Variants in CACNA1E observed in about 807,000 individuals in gnomAD.
CACNA1E encodes the protein voltage-dependent R-type calcium channel subunit alpha-1E.
A neutral mutation model predicts 259.2 loss-of-function variants in CACNA1E; 40 were observed. The ratio of observed to expected loss-of-function variants is 0.15; its 90% confidence interval spans 0.12 to 0.20. CACNA1E has a LOEUF of 0.20. Ranked by LOEUF, CACNA1E falls within the 10% of genes least tolerant of loss-of-function variation. The pLI is 1.00. For synonymous variants in CACNA1E, 1,104 were observed against 1,138.5 expected (o/e 0.97, Z 0.61); for missense variants, 1,874 against 3,040.1 (o/e 0.62, Z 9.02).
intron 2 of CACNA1E, among the ~76,000 whole-genome samples, chr1:181,419,413 C>T (rs1658546085): frequency 6.6e-6 from 1 of 152,204 alleles, no homozygotes; most frequent in South Asian, 2.1e-4. Flanking sequence ...GATGGCTCCT[C>T]TCTCATTTCA....
intron 3 of CACNA1E, among the ~76,000 whole-genome samples, chr1:181,553,732 AG>A (rs1312833156): frequency 6.6e-6 from 1 of 152,210 alleles, no homozygotes; most frequent in African/African-American, 2.4e-5. Flanking sequence ...AATTTATCAA[AG>A]GCCTTTTCTG....
At chr1:181,686,425 T>C (rs1650582176) in intron 7 of CACNA1E, among the ~76,000 whole-genome samples, 1 of 151,800 alleles carries the variant, frequency 6.6e-6, no homozygotes, top group African/African-American at 2.4e-5. Context: ...TAGCTGGGAT[T>C]ACAGGCATGC....
chr1:181,692,920 G>T (rs950725028), intron 7 of CACNA1E, among the ~76,000 whole-genome samples: 2 of 151,826 alleles, frequency 1.3e-5, no homozygotes, highest in African/African-American at 4.8e-5. Context: ...CTAATATCCA[G>T]AATCTCTAGG....
chr1:181,585,320 C>T (rs1037164755), intron 6 of CACNA1E, among the ~76,000 whole-genome samples: 2 of 152,148 alleles, frequency 1.3e-5, no homozygotes, highest in African/African-American at 4.8e-5. Context: ...ATTTCCTGAA[C>T]TCATAGTAAA....
At chr1:181,752,676 C>T (rs1206778067) in intron 27 of CACNA1E, among the ~76,000 whole-genome samples, 7 of 152,216 alleles carry the variant, frequency 4.6e-5, no homozygotes, top group Non-Finnish European at 7.3e-5. Flanking sequence ...AGAAGAGGCT[C>T]TTCTAGCCCT....
intron 25 of CACNA1E, among the ~76,000 whole-genome samples, chr1:181,747,102 C>T (rs1402922349): frequency 6.6e-6 from 1 of 152,250 alleles, no homozygotes; most frequent in Admixed American, 6.5e-5. Flanking sequence ...CACAGCATGA[C>T]CCCTCCATCT....
chr1:181,652,139 A>G (rs2102067202), intron 7 of CACNA1E: 1 of 152,412 alleles, frequency 6.6e-6, no homozygotes, highest in Non-Finnish European at 1.5e-5. Context: ...GTAGGATTAC[A>G]TAGACTATAT....
intron 6 of CACNA1E, among the ~76,000 whole-genome samples, chr1:181,611,592 A>C (rs1654756717): frequency 6.6e-6 from 1 of 152,130 alleles, no homozygotes; most frequent in Non-Finnish European, 1.5e-5. Context: ...GGTACACAGA[A>C]GTGAGTTCAT....
rs866257110 is a variant in CACNA1E at position 181,552,085 on chromosome 1, C to G, written c.513-25681C>G. Among the ~76,000 whole-genome samples, 5 of 152,272 alleles carry G rather than the reference C, an allele frequency of 3.3e-5. No homozygotes were observed. The Middle Eastern group carries it at 0.017, about 518-fold the overall frequency. The stretch of plus-strand genomic sequence containing the variant: ...TATTTCAAGACCCCTTGTTATTTCC[C>G]CATCCCCTATATTTCTCCATATTGC... On this transcript the variant is annotated intron_variant, in intron 3 of 47. Transcript: ENST00000367573.
chr1:181,668,287 C>T (rs1054045318), intron 7 of CACNA1E, among the ~76,000 whole-genome samples: 3 of 152,192 alleles, frequency 2.0e-5, no homozygotes, highest in Non-Finnish European at 4.4e-5. Context: ...GCATAATTGC[C>T]TTGAAGTCTA....
At chr1:181,791,746 A>G (rs1661329874) in intron 44 of CACNA1E, among the ~76,000 whole-genome samples, 1 of 152,108 alleles carries the variant, frequency 6.6e-6, no homozygotes, top group Non-Finnish European at 1.5e-5. Flanking sequence ...GACAGCTTGT[A>G]CTAAGTGAGT....
At chr1:181,761,785 C>A (rs576188548) in intron 32 of CACNA1E, among the ~76,000 whole-genome samples, 2 of 152,294 alleles carry the variant, frequency 1.3e-5, no homozygotes, top group Admixed American at 6.5e-5. Context: ...TTCATCTGAG[C>A]CTAGGAGATG....
chr1:181,717,345 T>C (rs774207306), intron 11 of CACNA1E, 43 bp downstream of exon 11: 2 of 1,523,334 alleles, frequency 1.3e-6, no homozygotes, highest in South Asian at 1.1e-5. Flanking sequence ...CTGGTCCCCA[T>C]GTGGGGCAGC....
chr1:181,476,636 C>T lies in CACNA1E; in HGVS notation c.435-7108C>T, dbSNP rs938833650. ...CTAGCCCCTGACATGATACCTGACA[C>T]GTGGAAGGTGCTCACTGCATGTCTG... On this transcript the variant is annotated intron_variant, in intron 2 of 11. Transcript: ENST00000524607. 1.2e-4 allele frequency among the ~76,000 whole-genome samples: 18 copies of T among 152,346 alleles called. No individual in the cohort carries two copies. In the South Asian group the frequency reaches 2.7e-3, roughly 23 times the overall value.
At chr1:181,744,689 A>G (rs146335064) in intron 25 of CACNA1E, among the ~76,000 whole-genome samples, 12 of 152,242 alleles carry the variant, frequency 7.9e-5, no homozygotes, top group African/African-American at 2.9e-4. Context: ...CCCTCTTTTC[A>G]AACTGAAAGG....
chr1:181,326,865 TG>T (rs1650835069), intron 1 of CACNA1E, among the ~76,000 whole-genome samples: 1 of 152,192 alleles, frequency 6.6e-6, no homozygotes, highest in Non-Finnish European at 1.5e-5. Flanking sequence ...GACAGAAATC[TG>T]GGAGTCATTT....
intron 2 of CACNA1E, among the ~76,000 whole-genome samples, chr1:181,441,023 C>G: frequency 7.2e-6 from 1 of 139,318 alleles, no homozygotes; most frequent in Non-Finnish European, 1.6e-5. Context: ...AAAAAAAGCG[C>G]CCAGCTCTTC....
Position 181,720,156 on chromosome 1 carries a change from G to A in CACNA1E, c.1752-50G>A, listed in dbSNP as rs775594936. 4 of 1,607,662 alleles carry A rather than the reference G, an allele frequency of 2.5e-6. No individual in the cohort carries two copies. In the South Asian group the frequency reaches 4.4e-5, roughly 18 times the overall value. ...GCATATGCTGAGCTGGGCTTGGTGGGTGACTTGGTATGCAGTGTTCACAGC... is the reference window on the plus strand; with the variant it reads ...GCATATGCTGAGCTGGGCTTGGTGGATGACTTGGTATGCAGTGTTCACAGC... On this transcript the variant is annotated intron_variant, in intron 13 of 47. Transcript: ENST00000367573.
At chr1:181,769,571 C>CCGCTT (rs1274427726) in intron 35 of CACNA1E, among the ~76,000 whole-genome samples, 31 of 151,454 alleles carry the variant, frequency 2.0e-4, no homozygotes, top group Admixed American at 1.8e-3. Flanking sequence ...CCACCATGCC[C>CCGCTT]GGCTTGACTT....
Sources: allele counts gnomAD v4.1 joint callset (sites outside exome capture counted in the v4.1 genomes callset), GRCh38; gene constraint gnomAD v4.1.1; transcripts MANE v1.5; gene names NCBI Gene and HGNC (gene_info 2026-07-23, HGNC 2026-07-21).